Variants in TAB2 observed in about 807,000 individuals in gnomAD.
TAB2 encodes TGF-beta activated kinase 1 (MAP3K7) binding protein 2, also known as TGF-beta-activated kinase 1 and MAP3K7-binding protein 2.
Under a neutral mutation model 65.0 loss-of-function variants are expected in TAB2, and 3 were observed. The observed-to-expected ratio is 0.05, with a 90% CI of 0.02 to 0.12. The LOEUF is 0.12. Among genes scored for constraint, TAB2 ranks in the 10% least tolerant of loss-of-function variants. TAB2 has a pLI of 1.00. For missense variants in TAB2, 623 were observed against 840.3 expected, an observed-to-expected ratio of 0.74 and a Z score of 3.20; for synonymous variants, 298 against 285.1, an observed-to-expected ratio of 1.05 and a Z score of -0.46.
chr6:149,247,642 G>A (rs907242103), intron 1 of TAB2: 1 of 152,196 alleles, frequency 6.6e-6, no homozygotes, highest in African/African-American at 2.4e-5. Context: ...TGCCCCTATG[G>A]GGTTAGAACT....
At chr6:149,277,019 C>A (rs946679611) in intron 1 of TAB2, among the ~76,000 whole-genome samples, 5 of 152,134 alleles carry the variant, frequency 3.3e-5, no homozygotes, top group Non-Finnish European at 7.4e-5. Flanking sequence ...AAGGGTTGCC[C>A]CTTTCACTTG....
At chr6:149,297,273 C>T (rs1778892450) in intron 1 of TAB2, among the ~76,000 whole-genome samples, 1 of 152,152 alleles carries the variant, frequency 6.6e-6, no homozygotes, top group African/African-American at 2.4e-5. Context: ...TGATATAATG[C>T]CATTATCAAT....
intron 2 of TAB2, among the ~76,000 whole-genome samples, chr6:149,373,525 C>T (rs963708554): frequency 1.3e-5 from 2 of 152,202 alleles, no homozygotes; most frequent in Non-Finnish European, 2.9e-5. Flanking sequence ...GATCAGCGAT[C>T]ATATTCCTTT....
At chr6:149,301,045 T>A (rs970262678) in intron 1 of TAB2, among the ~76,000 whole-genome samples, 3 of 152,228 alleles carry the variant, frequency 2.0e-5, no homozygotes, top group East Asian at 1.9e-4. Flanking sequence ...CAAGAGGCCA[T>A]CTTCCTTCTC....
intron 1 of TAB2, among the ~76,000 whole-genome samples, chr6:149,256,050 CAAGCCTCTGATCAACCAGTATGTGAA>C (rs1396759596): frequency 6.6e-6 from 1 of 152,180 alleles, no homozygotes; most frequent in Non-Finnish European, 1.5e-5. Context: ...ATTGTACCTT[CAAGCCTCTGATCAACCAGTATGTGAA>C]AACCCACATA....
intron 1 of TAB2, among the ~76,000 whole-genome samples, chr6:149,293,962 T>C (rs1778828335): frequency 2.0e-5 from 3 of 152,174 alleles, no homozygotes; most frequent in African/African-American, 7.2e-5. Context: ...GTAGCAAAGT[T>C]ATTTTCCCTG....
chr6:149,276,826 C>G (rs1276005142), intron 1 of TAB2, among the ~76,000 whole-genome samples: 1 of 152,110 alleles, frequency 6.6e-6, no homozygotes, highest in African/African-American at 2.4e-5. Flanking sequence ...TACAGAGATA[C>G]TCACATATAT....
chr6:149,359,682 C>G (rs1003620664), intron 1 of TAB2, among the ~76,000 whole-genome samples: 4 of 152,218 alleles, frequency 2.6e-5, no homozygotes, highest in Admixed American at 6.5e-5. Context: ...CTTCCAAACT[C>G]TTCTCCCCCA....
At chr6:149,338,729 C>T (rs1386146510) in intron 1 of TAB2, among the ~76,000 whole-genome samples, 1 of 152,114 alleles carries the variant, frequency 6.6e-6, no homozygotes, top group Non-Finnish European at 1.5e-5. Context: ...CTTAGTGTTT[C>T]TGAATTGATA....
intron 1 of TAB2, among the ~76,000 whole-genome samples, chr6:149,328,037 G>C (rs1463683884): frequency 1.3e-5 from 2 of 152,184 alleles, no homozygotes; most frequent in African/African-American, 4.8e-5. Flanking sequence ...TGCTCTTGTT[G>C]AAGGTAATTA....
chr6:149,345,233 G>A (rs142841535), intron 1 of TAB2, among the ~76,000 whole-genome samples: 92 of 152,038 alleles, frequency 6.1e-4, no homozygotes, highest in Non-Finnish European at 1.2e-3. Flanking sequence ...TACAAATTAT[G>A]ACACTAAGCT....
At chr6:149,375,307 A>G (rs1325253706) in intron 2 of TAB2, among the ~76,000 whole-genome samples, 2 of 152,214 alleles carry the variant, frequency 1.3e-5, no homozygotes, top group East Asian at 1.9e-4. Context: ...AATAAAAAGT[A>G]CATTTCCTTT....
chr6:149,349,614 T>TTTG (rs1436530842), intron 1 of TAB2, among the ~76,000 whole-genome samples: 1 of 152,138 alleles, frequency 6.6e-6, no homozygotes. Flanking sequence ...ACCTAGTGTT[T>TTTG]CTTACAAATG....
At chr6:149,344,633 C>G (rs951158053) in intron 1 of TAB2, among the ~76,000 whole-genome samples, 9 of 152,026 alleles carry the variant, frequency 5.9e-5, no homozygotes, top group South Asian at 2.1e-4. Context: ...GGAGTTTGGA[C>G]TTTAATAGGC....
intron 6 of TAB2, chr6:149,400,999 C>A: frequency 3.8e-6 from 1 of 265,046 alleles, no homozygotes; most frequent in Non-Finnish European, 7.5e-6. Context: ...TCATTCAGGT[C>A]TTATCTTTAT....
intron 6 of TAB2, among the ~76,000 whole-genome samples, chr6:149,399,710 A>G (rs17506789): frequency 0.24 from 35,905 of 152,134 alleles, 4,437 homozygotes; most frequent in Non-Finnish European, 0.26. Context: ...CCAGGCATTA[A>G]AATGTGTGTA....
intron 3 of TAB2, chr6:149,379,831 T>C (rs1274941003): frequency 1.1e-5 from 5 of 453,516 alleles, no homozygotes; most frequent in East Asian, 6.9e-5. Flanking sequence ...ATGCTGACTT[T>C]CTCTTTAAAT....
intron 1 of TAB2, among the ~76,000 whole-genome samples, chr6:149,230,867 G>A (rs1279219078): frequency 6.6e-6 from 1 of 152,192 alleles, no homozygotes; most frequent in Non-Finnish European, 1.5e-5. Flanking sequence ...ATTTTTCTAT[G>A]GTCAGGCTGC....
chr6:149,219,563 G>T (rs1583028116), intron 1 of TAB2, among the ~76,000 whole-genome samples: 1 of 152,130 alleles, frequency 6.6e-6, no homozygotes, highest in Non-Finnish European at 1.5e-5. Flanking sequence ...TGAAGAGCTG[G>T]AGAAAATTTC....
Sources: allele counts gnomAD v4.1 joint callset (sites outside exome capture counted in the v4.1 genomes callset), GRCh38; gene constraint gnomAD v4.1.1; transcripts MANE v1.5; gene names NCBI Gene and HGNC (gene_info 2026-07-23, HGNC 2026-07-21).